Variants in MASP1 observed in about 807,000 individuals in gnomAD.
MASP1 encodes the protein MBL associated serine protease 1.
In MASP1, 59 loss-of-function variants were observed where a neutral mutation model predicts 77.1. The ratio of observed to expected loss-of-function variants is 0.77; its 90% CI spans 0.62 to 0.95. The LOEUF is 0.95. Ranked by LOEUF, MASP1 falls within the 40% of genes least tolerant of loss-of-function variation. The pLI, the probability that MASP1 is intolerant of heterozygous loss-of-function variation, is 0.00. For synonymous variants in MASP1, 362 were observed against 354.5 expected (o/e 1.02, Z -0.24); for missense variants, 885 against 912.9 (o/e 0.97, Z 0.39).
chr3:187,220,082 C>T (rs780114645), exon 16 of MASP1: 5 of 1,613,550 alleles, frequency 3.1e-6, no homozygotes, highest in African/African-American at 1.3e-5. Flanking sequence ...CAGTTCCTCA[C>T]TCCGGTGACC....
In MASP1 at chr3:187,235,870, G is replaced by T; in HGVS notation, c.2001C>A (p.Ala667=). The part of the protein sequence containing the change: ...KDTCLGDSGG[A]FVIFDDLSQR... The stretch of plus-strand genomic sequence containing the variant: ...GGCTCAAGTCATCAAAGATGACAAA[G>T]GCCCCACCGCTATCTCCAAGGCACG... The change falls in exon 11 of 11, where the codon GCC becomes GCA. Residue 667 remains alanine, a synonymous_variant. Coordinates refer to ENST00000296280, the MANE Select transcript of MASP1 (RefSeq NM_139125.4). 6.2e-7 allele frequency: 1 copy of T among 1,614,206 alleles called. No individual in the cohort carries two copies. Among genetic ancestry groups the T allele is most frequent in the South Asian group, 1.1e-5 (1 of 91,080 alleles).
At chr3:187,237,338 C>G (rs1017342376) in intron 10 of MASP1, among the ~76,000 whole-genome samples, 3 of 126,674 alleles carry the variant, frequency 2.4e-5, no homozygotes, top group African/African-American at 7.5e-5. Context: ...AGAAGCTTAA[C>G]TAGATTCTAA....
intron 2 of MASP1, among the ~76,000 whole-genome samples, chr3:187,279,078 G>A (rs1041812714): frequency 7.9e-5 from 12 of 152,076 alleles, no homozygotes; most frequent in Non-Finnish European, 1.6e-4. Context: ...AAGCTGCTAT[G>A]AATTCTTTAG....
At chr3:187,253,844 G>C (rs1714841775) in intron 5 of MASP1, among the ~76,000 whole-genome samples, 1 of 152,068 alleles carries the variant, frequency 6.6e-6, no homozygotes, top group Non-Finnish European at 1.5e-5. Flanking sequence ...GTCAGGGGGT[G>C]GCGGGGCAAG....
intron 13 of MASP1, among the ~76,000 whole-genome samples, chr3:187,224,560 A>T (rs1211412612): frequency 1.3e-5 from 2 of 151,558 alleles, no homozygotes; most frequent in Non-Finnish European, 2.9e-5. Flanking sequence ...TTTAGCCGGG[A>T]TGGTCTCGAT....
At chr3:187,231,145 G>C (rs1712742201), downstream of MASP1, among the ~76,000 whole-genome samples, 1 of 152,162 alleles carries the variant, frequency 6.6e-6, no homozygotes. Flanking sequence ...CCACTGAATG[G>C]GAACCATCCT....
At chr3:187,252,011 T>A (rs893463893) in intron 6 of MASP1, among the ~76,000 whole-genome samples, 4 of 152,182 alleles carry the variant, frequency 2.6e-5, no homozygotes, top group Non-Finnish European at 4.4e-5. Context: ...TTGGGAGGAA[T>A]GTTAAATGTC....
At position 187,235,627 on chromosome 3, in the gene MASP1, T is replaced by C; in HGVS notation, c.*57A>G. ...CTGATAAGTAATGTGGAGTGTGCTG[T>C]CGGAAGTGCGGTGTAGCTTCGCTCA... On this transcript the variant is annotated 3_prime_UTR_variant, in exon 11 of 11. Coordinates refer to ENST00000296280, the MANE Select transcript of MASP1 (RefSeq NM_139125.4). The C allele has an allele frequency of 6.2e-7, 1 of 1,608,592 alleles. No individual in the cohort carries two copies. Among genetic ancestry groups the C allele is most frequent in the Non-Finnish European group, 8.5e-7 (1 of 1,179,896 alleles).
chr3:187,251,467 G>C, intron 7 of MASP1, 167 bp downstream of exon 7: 1 of 668,546 alleles, frequency 1.5e-6, no homozygotes, highest in East Asian at 2.6e-5. Context: ...AGACCGCCTG[G>C]GACGCATGCT....
intron 13 of MASP1, among the ~76,000 whole-genome samples, chr3:187,224,380 T>C (rs796323360): frequency 6.6e-5 from 9 of 136,930 alleles, no homozygotes; most frequent in African/African-American, 2.5e-4. Flanking sequence ...GGAGTCTCGC[T>C]CTGTCGCCCA....
chr3:187,223,245 T>C (rs1384709674), intron 13 of MASP1: 5 of 1,454,712 alleles, frequency 3.4e-6, no homozygotes, highest in African/African-American at 1.4e-5. Flanking sequence ...GTGGGGTGTT[T>C]GGAGGGGTGC....
chr3:187,265,621 C>A (rs1260418723), intron 2 of MASP1, among the ~76,000 whole-genome samples: 4 of 152,194 alleles, frequency 2.6e-5, no homozygotes, highest in South Asian at 4.2e-4. Flanking sequence ...CTGGGCGGGA[C>A]CTTTAAGAGC....
At chr3:187,266,659 C>A (rs1189487282) in intron 2 of MASP1, among the ~76,000 whole-genome samples, 1 of 152,116 alleles carries the variant, frequency 6.6e-6, no homozygotes, top group Non-Finnish European at 1.5e-5. Flanking sequence ...TGCTCCTCCC[C>A]ACTACCCATT....
At chr3:187,252,492 C>T (rs1220972477) in intron 6 of MASP1, among the ~76,000 whole-genome samples, 1 of 152,178 alleles carries the variant, frequency 6.6e-6, no homozygotes, top group African/African-American at 2.4e-5. Flanking sequence ...ACAAACTCTC[C>T]TTTGTTAAGA....
chr3:187,288,087 A>G (rs1452395294), intron 1 of MASP1, among the ~76,000 whole-genome samples: 1 of 152,210 alleles, frequency 6.6e-6, no homozygotes, highest in East Asian at 1.9e-4. Context: ...ACCATGTACT[A>G]TTTTTTCAAT....
chr3:187,225,648 C>G, intron 12 of MASP1: 1 of 807,552 alleles, frequency 1.2e-6, no homozygotes. Context: ...CCACCTTTCC[C>G]AGACATCCCA....
chr3:187,288,806 G>T (rs1718063957), intron 1 of MASP1, among the ~76,000 whole-genome samples: 1 of 152,354 alleles, frequency 6.6e-6, no homozygotes, highest in Non-Finnish European at 1.5e-5. Context: ...GCAGCAGACA[G>T]CCCTGTGTAG....
intron 14 of MASP1, among the ~76,000 whole-genome samples, chr3:187,222,904 C>A (rs1362696639): frequency 6.6e-6 from 1 of 152,096 alleles, no homozygotes; most frequent in Non-Finnish European, 1.5e-5. Flanking sequence ...ACCAGAAAAA[C>A]TTAACCGTGT....
chr3:187,235,995 G>T lies in MASP1; in HGVS notation c.1876C>A (p.Pro626Thr), dbSNP rs1422214571. 6.2e-7 allele frequency: 1 copy of T among 1,614,230 alleles called. No homozygotes were observed. Among genetic ancestry groups the T allele is most frequent in the Non-Finnish European group, 8.5e-7 (1 of 1,180,054 alleles). Residue 626 changes from proline (P) to threonine (T), a missense_variant, in exon 11 of 11, where the codon CCT (proline) becomes ACT (threonine). Physicochemically the swap from Pro to Thr is conservative, Grantham distance 38. Coordinates refer to ENST00000296280, the MANE Select transcript of MASP1 (RefSeq NM_139125.4). ...VLQYVKLPVV[P>T]HAECKTSYES... is the part of the protein sequence containing the mutation. The stretch of plus-strand genomic sequence containing the variant: ...TAGCTAGTTTTGCACTCAGCGTGAG[G>T]CACCACGGGTAACTTGACATACTGC...
Sources: gnomAD v4.1 joint callset for allele counts (sites outside exome capture counted in the v4.1 genomes callset) on GRCh38, gnomAD v4.1.1 for gene constraint, MANE v1.5 for transcripts, NCBI Gene and HGNC (gene_info 2026-07-23, HGNC 2026-07-21) for gene names.